PHEX: variants seen among roughly 807,000 people sequenced by gnomAD.
The protein encoded by PHEX is phosphate-regulating neutral endopeptidase PHEX.
PHEX carries 16 observed loss-of-function variants against 68.0 expected under a neutral mutation model. The ratio of observed to expected loss-of-function variants is 0.24; its 90% CI spans 0.16 to 0.36. The LOEUF is 0.36. PHEX is among the 10% of genes least tolerant of loss of function. The probability of loss-of-function intolerance (pLI) is 1.00; values close to 1 mark genes in which losing one functional copy is unlikely to be tolerated. For missense variants in PHEX, 480 were observed against 575.5 expected (o/e 0.83, Z 1.70); for synonymous variants, 208 against 205.1 (o/e 1.01, Z -0.12).
At chrX:22,154,529 G>A (rs927612285) in intron 12 of PHEX, among the ~76,000 whole-genome samples, 1 of 111,690 alleles carries the variant, frequency 9.0e-6, no homozygotes, top group African/African-American at 3.3e-5. Context: ...GGGACAGAGG[G>A]TGTTACTGGC....
At chrX:22,182,919 A>C (rs1214933052) in intron 14 of PHEX, among the ~76,000 whole-genome samples, 2 of 111,463 alleles carry the variant, frequency 1.8e-5, no homozygotes, top group Non-Finnish European at 3.8e-5. Flanking sequence ...TTAAATATTA[A>C]ATTTTGTTTA....
intron 20 of PHEX, 104 bp downstream of exon 20, chrX:22,227,715 A>C (rs1027315672): frequency 1.1e-5 from 6 of 545,730 alleles, no homozygotes; most frequent in Non-Finnish European, 2.0e-5. Flanking sequence ...CATGACTTTG[A>C]TTTTCAGCAA....
intron 6 of PHEX, among the ~76,000 whole-genome samples, chrX:22,092,019 G>A (rs1929907599): frequency 9.0e-6 from 1 of 111,418 alleles, no homozygotes. Context: ...CTTGACATGT[G>A]GGGATTATTA....
intron 15 of PHEX, among the ~76,000 whole-genome samples, chrX:22,198,769 G>A (rs758410561): frequency 5.3e-4 from 59 of 111,015 alleles, no homozygotes; most frequent in Non-Finnish European, 1.0e-3. Context: ...GTTTTTTTGC[G>A]GGGAGGCAAA....
intron 18 of PHEX, among the ~76,000 whole-genome samples, chrX:22,222,656 A>C (rs948989858): frequency 2.7e-5 from 3 of 111,636 alleles, no homozygotes; most frequent in African/African-American, 6.5e-5. Context: ...TGGGTTAAAA[A>C]CCCCCCAAAA....
At chrX:22,105,437 G>A (rs1930640741) in intron 9 of PHEX, among the ~76,000 whole-genome samples, 1 of 111,964 alleles carries the variant, frequency 8.9e-6, no homozygotes, top group South Asian at 3.7e-4. Flanking sequence ...CAGGTCTGGC[G>A]GTAAGGCCTA....
intron 13 of PHEX, among the ~76,000 whole-genome samples, chrX:22,168,848 G>T (rs757658899): frequency 2.7e-5 from 3 of 111,585 alleles, no homozygotes; most frequent in Non-Finnish European, 3.8e-5. Context: ...ATATACATAC[G>T]ACTCTATAAT....
chrX:22,189,296 G>T (rs1934124369), intron 14 of PHEX, among the ~76,000 whole-genome samples: 1 of 112,502 alleles, frequency 8.9e-6, no homozygotes, highest in Admixed American at 9.4e-5. Context: ...ACCCAGCAGT[G>T]GGGCTGCTGG....
In PHEX at chrX:22,204,946, C is replaced by G. The variant is rs7888785; in HGVS notation, c.1646-7958C>G. 7.6e-3 allele frequency among the ~76,000 whole-genome samples: 851 copies of G among 111,319 alleles called. 9 individuals are homozygous for G. Among genetic ancestry groups the G allele is most frequent in the African/African-American group, 0.027 (817 of 30,639 alleles). On this transcript the variant is annotated intron_variant, in intron 15 of 21. Coordinates refer to ENST00000379374, the MANE Select transcript of PHEX (RefSeq NM_000444.6). Reference sequence around the variant, plus strand: ...AAAAAAATAACTGTCACAACTTGTACTGGAGCCACATTAATACATCAAAAA... The same window carrying G: ...AAAAAAATAACTGTCACAACTTGTAGTGGAGCCACATTAATACATCAAAAA...
intron 5 of PHEX, among the ~76,000 whole-genome samples, chrX:22,087,963 A>T (rs920948750): frequency 4.5e-5 from 5 of 111,775 alleles, no homozygotes. Flanking sequence ...CTAAGTTTTG[A>T]CAAATGCATA....
Position 22,219,103 on chromosome X carries a change from G to GGTAA in PHEX, c.1768+4_1768+7dup. The GGTAA allele has an allele frequency of 1.8e-6, 2 of 1,112,854 alleles. No homozygotes were observed. The highest frequency in any genetic ancestry group is 3.7e-5 in the South Asian group (2 of 54,740). The allele number at this position is 1,112,854 out of a possible 1,213,427, so 91.7% of individuals were successfully genotyped here. ...ATTTACACATGGATTTGATAATAAT[G>GGTAA]GTAAGTACCGGTTCATTTTATAAGC... is the stretch of plus-strand genomic sequence containing the variant. On this transcript the variant is annotated frameshift_variant and splice_region_variant. Coordinates refer to ENST00000379374, the MANE Select transcript of PHEX (RefSeq NM_000444.6). LOFTEE classifies it high-confidence loss of function.
chrX:22,080,665 G>GC (rs1207451248), intron 5 of PHEX, among the ~76,000 whole-genome samples: 46 of 109,698 alleles, frequency 4.2e-4, no homozygotes, highest in South Asian at 1.2e-3. Context: ...AACATTTGAA[G>GC]CCCCCCCCAC....
At chrX:22,220,534 G>A (rs150386498) in intron 17 of PHEX, among the ~76,000 whole-genome samples, 3 of 111,643 alleles carry the variant, frequency 2.7e-5, no homozygotes, top group Non-Finnish European at 3.8e-5. Flanking sequence ...TCCTTTCTTC[G>A]TTCTGGACCT....
At chrX:22,219,928 T>A (rs1295192555) in intron 17 of PHEX, among the ~76,000 whole-genome samples, 1 of 112,285 alleles carries the variant, frequency 8.9e-6, no homozygotes, top group African/African-American at 3.2e-5. Context: ...ATTCTGATTA[T>A]TTTAAAGTCT....
chrX:22,158,807 G>A (rs1237425018), intron 12 of PHEX, among the ~76,000 whole-genome samples: 1 of 112,511 alleles, frequency 8.9e-6, no homozygotes, highest in African/African-American at 3.2e-5. Context: ...GTAGTATACA[G>A]TATTGAAAAT....
chrX:22,234,875 A>G (rs1247749359), intron 20 of PHEX, among the ~76,000 whole-genome samples: 1 of 110,982 alleles, frequency 9.0e-6, no homozygotes, highest in Non-Finnish European at 1.9e-5. Flanking sequence ...TGAAACAACA[A>G]AAAACTCTTG....
At position 22,042,814 on chromosome X, in the gene PHEX, CA is replaced by C. The variant is rs113618403; in HGVS notation, c.188-4224del. Among the ~76,000 whole-genome samples, 629 of 97,587 alleles carry C rather than the reference CA, an allele frequency of 6.4e-3. 2 individuals carry two copies. The highest frequency in any genetic ancestry group is 0.02 in the African/African-American group (537 of 26,988). The allele number at this position is 97,587 out of a possible 115,157, so 84.7% of individuals were successfully genotyped here. On this transcript the variant is annotated intron_variant, in intron 2 of 21. Coordinates refer to ENST00000379374, the MANE Select transcript of PHEX (RefSeq NM_000444.6). ...TGGGCAACATAGTGAGACTCCGCCT[CA>C]AAAAAAAAAAATTAGAAAAAGAAAA...
chrX:22,153,503 CAG>C (rs754236744), intron 12 of PHEX, among the ~76,000 whole-genome samples: 6 of 111,949 alleles, frequency 5.4e-5, no homozygotes, highest in South Asian at 3.7e-4. Context: ...GTTGGCAGGA[CAG>C]AGAACACAGA....
intron 17 of PHEX, among the ~76,000 whole-genome samples, chrX:22,221,154 G>A (rs914768012): frequency 9.0e-6 from 1 of 111,716 alleles, no homozygotes; most frequent in Admixed American, 9.5e-5. Flanking sequence ...GGTTCCTATA[G>A]GGCTGAGTCA....
Sources: allele counts gnomAD v4.1 joint callset (sites outside exome capture counted in the v4.1 genomes callset), GRCh38; gene constraint gnomAD v4.1.1; transcripts MANE v1.5; gene names NCBI Gene and HGNC (gene_info 2026-07-23, HGNC 2026-07-21).